The following GRIA4 variants were observed in gnomAD, a reference collection of about 807,000 sequenced individuals.
The protein encoded by GRIA4 is glutamate receptor 4.
GRIA4 carries 34 observed loss-of-function variants against 104.0 expected under a neutral mutation model. The ratio of observed to expected loss-of-function variants is 0.33; its 90% confidence interval spans 0.25 to 0.44. The LOEUF is 0.44. Ranked by LOEUF, GRIA4 falls within the 20% of genes least tolerant of loss-of-function variation. The pLI is 1.00. For missense variants in GRIA4, 750 were observed against 1,096.5 expected, an observed-to-expected ratio of 0.68 and a Z score of 4.46; for synonymous variants, 386 against 381.9, an observed-to-expected ratio of 1.01 and a Z score of -0.13.
chr11:105,728,855 G>A (rs1244142256), intron 3 of GRIA4, among the ~76,000 whole-genome samples: 3 of 152,164 alleles, frequency 2.0e-5, no homozygotes, highest in Non-Finnish European at 4.4e-5. Context: ...CTAAAGCAGT[G>A]TTTAGAGGAA....
intron 3 of GRIA4, among the ~76,000 whole-genome samples, chr11:105,701,563 T>C (rs1165519439): frequency 6.6e-6 from 1 of 152,078 alleles, no homozygotes; most frequent in African/African-American, 2.4e-5. Flanking sequence ...AGAGTGCATG[T>C]GTTCATATGA....
At chr11:105,846,993 C>G (rs901142030) in intron 4 of GRIA4, among the ~76,000 whole-genome samples, 1 of 152,114 alleles carries the variant, frequency 6.6e-6, no homozygotes, top group Non-Finnish European at 1.5e-5. Context: ...TTTTTGGCAC[C>G]GGGGACCGGT....
At chr11:105,693,463 T>G (rs1321173698) in intron 3 of GRIA4, among the ~76,000 whole-genome samples, 1 of 152,192 alleles carries the variant, frequency 6.6e-6, no homozygotes, top group Non-Finnish European at 1.5e-5. Context: ...AATCTATTTT[T>G]TTTTAAACTC....
chr11:105,970,778 G>A (rs529389609), intron 14 of GRIA4, among the ~76,000 whole-genome samples: 3 of 152,138 alleles, frequency 2.0e-5, no homozygotes, highest in Non-Finnish European at 4.4e-5. Flanking sequence ...TCTGTCTTGG[G>A]ATGAAATGAA....
At chr11:105,850,536 C>T (rs1944769145) in intron 4 of GRIA4, among the ~76,000 whole-genome samples, 1 of 152,122 alleles carries the variant, frequency 6.6e-6, no homozygotes, top group Non-Finnish European at 1.5e-5. Flanking sequence ...TGTTTGATGT[C>T]CTTACAGAGA....
Position 105,921,308 on chromosome 11 carries a change from T to G in GRIA4, c.1476+2390T>G, listed in dbSNP as rs116122813. ...TTCCTTGGCCTCTACCACACTTGGG[T>G]GTGTGTGTGTGTGTGTGTGTGTGTG... is the stretch of plus-strand genomic sequence containing the variant. On this transcript the variant is annotated intron_variant, in intron 11 of 16. Transcript: ENST00000282499. 7.9e-3 allele frequency among the ~76,000 whole-genome samples: 663 copies of G among 84,222 alleles called. 2 individuals are homozygous for G. Among genetic ancestry groups the G allele is most frequent in the Middle Eastern group, 0.015 (2 of 132 alleles). 55.3% of individuals were successfully genotyped at this position (84,222 alleles called of 152,430 possible). A position where few individuals can be genotyped will look rare whatever the true frequency, so the allele number is the denominator to read the frequency against.
intron 4 of GRIA4, among the ~76,000 whole-genome samples, chr11:105,853,292 G>T (rs962194226): frequency 6.6e-6 from 1 of 152,064 alleles, no homozygotes; most frequent in Non-Finnish European, 1.5e-5. Flanking sequence ...TCAATCCTAA[G>T]TTTCTGAAGC....
At chr11:105,960,415 TTGAGCTGTGGGGACAAGTCTTGGGAG>T (rs1014564020) in intron 14 of GRIA4, among the ~76,000 whole-genome samples, 10 of 152,150 alleles carry the variant, frequency 6.6e-5, no homozygotes, top group African/African-American at 2.2e-4. Flanking sequence ...AGCCGGTGTG[TTGAGCTGTGGGGACAAGTCTTGGGAG>T]TGGGCTGTGG....
At chr11:105,963,313 C>T (rs1246828343) in intron 14 of GRIA4, among the ~76,000 whole-genome samples, 1 of 152,034 alleles carries the variant, frequency 6.6e-6, no homozygotes, top group Non-Finnish European at 1.5e-5. Flanking sequence ...TCCAAATGGT[C>T]ATTATATACG....
chr11:105,759,380 C>T (rs1940491118), intron 4 of GRIA4, among the ~76,000 whole-genome samples: 1 of 151,938 alleles, frequency 6.6e-6, no homozygotes, highest in African/African-American at 2.4e-5. Context: ...TCTCTTTTTC[C>T]TTCGCAGGCA....
chr11:105,867,931 C>G (rs756394082), intron 5 of GRIA4, among the ~76,000 whole-genome samples: 6 of 152,176 alleles, frequency 3.9e-5, no homozygotes, highest in Non-Finnish European at 8.8e-5. Context: ...CTCATACATT[C>G]ATTCAACGTC....
chr11:105,818,685 C>T lies in GRIA4; in HGVS notation c.488-43339C>T, dbSNP rs1212259547. 1.3e-4 allele frequency among the ~76,000 whole-genome samples: 20 copies of T among 152,112 alleles called. 1 individual carries two copies. Among genetic ancestry groups the T allele is most frequent in the Non-Finnish European group, 2.6e-4 (18 of 68,026 alleles). On this transcript the variant is annotated intron_variant, in intron 4 of 16. Transcript: ENST00000282499. Reference sequence around the variant, plus strand: ...CTTTCACATACTGACATCTTCCCTTCCTGTGCACTGGAGAGGGCATAATGG... The same window carrying T: ...CTTTCACATACTGACATCTTCCCTTTCTGTGCACTGGAGAGGGCATAATGG...
At position 105,937,307 on chromosome 11, in the gene GRIA4, T is replaced by C. The variant is rs563526943; in HGVS notation, c.2294+3338T>C. ...ATACAAGTTGATTATAATATAGACA[T>C]CTACTATACTATAGTATTTATGGTA... is the stretch of plus-strand genomic sequence containing the variant. On this transcript the variant is annotated intron_variant, in intron 14 of 16. Transcript: ENST00000282499. Among the ~76,000 whole-genome samples, 7 of 152,300 alleles carry C rather than the reference T, an allele frequency of 4.6e-5. No individual in the cohort carries two copies. In the South Asian group the frequency reaches 1.2e-3, roughly 27 times the overall value.
Position 105,971,913 on chromosome 11 carries a change from G to A in GRIA4, c.2295-1G>A. The A allele has an allele frequency of 1.3e-6, 2 of 1,561,624 alleles. No individual in the cohort carries two copies. Among genetic ancestry groups the A allele is most frequent in the Non-Finnish European group, 1.8e-6 (2 of 1,133,178 alleles). On this transcript the variant is annotated splice_acceptor_variant, in intron 14 of 16. Transcript: ENST00000282499. LOFTEE classifies it high-confidence loss of function. ...TTATTTATGTTATTTTCCACGTGAAGAACTCCTGTAAACCTTGCCGTTTTG... is the reference window on the plus strand; with the variant it reads ...TTATTTATGTTATTTTCCACGTGAAAAACTCCTGTAAACCTTGCCGTTTTG...
At chr11:105,655,417 C>T (rs569581100) in intron 3 of GRIA4, among the ~76,000 whole-genome samples, 4 of 152,080 alleles carry the variant, frequency 2.6e-5, no homozygotes, top group African/African-American at 9.6e-5. Flanking sequence ...TATACATGTA[C>T]CATGGTGGTT....
At chr11:105,878,021 A>G (rs755800911) in intron 5 of GRIA4, among the ~76,000 whole-genome samples, 5 of 152,096 alleles carry the variant, frequency 3.3e-5, no homozygotes, top group Non-Finnish European at 7.4e-5. Flanking sequence ...GCCTTTTTGC[A>G]CTGGTTTTTC....
chr11:105,882,396 T>C (rs1271648043), intron 5 of GRIA4, among the ~76,000 whole-genome samples: 2 of 152,208 alleles, frequency 1.3e-5, no homozygotes, highest in Non-Finnish European at 2.9e-5. Flanking sequence ...GCAACTTTTA[T>C]AGAAGGACTC....
intron 3 of GRIA4, among the ~76,000 whole-genome samples, chr11:105,686,015 A>G (rs527643757): frequency 2.0e-5 from 3 of 152,188 alleles, no homozygotes; most frequent in Admixed American, 6.5e-5. Context: ...AATTGAAGCT[A>G]CTATAGAGGA....
chr11:105,814,573 G>A (rs1943301175), intron 4 of GRIA4, among the ~76,000 whole-genome samples: 1 of 152,026 alleles, frequency 6.6e-6, no homozygotes, highest in African/African-American at 2.4e-5. Context: ...AGCAATTGTA[G>A]GATCTAAATG....
Sources: gnomAD v4.1 joint callset for allele counts (sites outside exome capture counted in the v4.1 genomes callset) on GRCh38, gnomAD v4.1.1 for gene constraint, MANE v1.5 for transcripts, NCBI Gene and HGNC (gene_info 2026-07-23, HGNC 2026-07-21) for gene names.